TAX1BP1: variants seen among roughly 807,000 people sequenced by gnomAD.
The protein encoded by TAX1BP1 is Tax1 binding protein 1.
In TAX1BP1, 62 loss-of-function variants were observed where a neutral mutation model predicts 97.7. That is an observed-to-expected ratio of 0.63 (90% CI 0.52 to 0.78). TAX1BP1 has a LOEUF of 0.78. TAX1BP1 is among the 30% of genes least tolerant of loss of function. The pLI, the probability that TAX1BP1 is intolerant of heterozygous loss-of-function variation, is 0.00. For missense variants in TAX1BP1, 867 were observed against 916.1 expected, an observed-to-expected ratio of 0.95 and a Z score of 0.69; for synonymous variants, 340 against 304.2, an observed-to-expected ratio of 1.12 and a Z score of -1.23.
At chr7:27,758,660 T>C (rs1788314342) in intron 3 of TAX1BP1, among the ~76,000 whole-genome samples, 1 of 152,148 alleles carries the variant, frequency 6.6e-6, no homozygotes, top group South Asian at 2.1e-4. Flanking sequence ...TGCTACAATA[T>C]GGGTGAACAC....
At chr7:27,803,165 C>T in intron 13 of TAX1BP1, 1 of 1,546,940 alleles carries the variant, frequency 6.5e-7, no homozygotes, top group Non-Finnish European at 8.7e-7. Flanking sequence ...ATTTGGAAAA[C>T]CTCTCCAGGG....
At position 27,785,157 on chromosome 7, in the gene TAX1BP1, T is replaced by A; in HGVS notation, c.613-6T>A. On this transcript the variant is annotated splice_polypyrimidine_tract_variant and splice_region_variant and intron_variant, in intron 5 of 16. Transcript: ENST00000396319. The stretch of plus-strand genomic sequence containing the variant: ...TTTCTCAAAATACCTTGTTGTCACT[T>A]CTCAGGGTCTTACTGAAGTAACACA... 1 of 1,599,170 alleles carries A rather than the reference T, an allele frequency of 6.3e-7. No homozygotes were observed.
At chr7:27,766,419 C>CAAA (rs201297532) in intron 4 of TAX1BP1, among the ~76,000 whole-genome samples, 3 of 76,884 alleles carry the variant, frequency 3.9e-5, no homozygotes, top group African/African-American at 6.1e-5. Flanking sequence ...GACTCCGTAT[C>CAAA]AAAAAAAAAA....
At position 27,817,167 on chromosome 7, in the gene TAX1BP1, T is replaced by C. The variant is rs1472001350; in HGVS notation, c.2085+129T>C. On this transcript the variant is annotated intron_variant, in intron 15 of 16. Transcript: ENST00000396319. The stretch of plus-strand genomic sequence containing the variant: ...GTGTGTGTGGAAGGAGAGTGTGTGC[T>C]TGTGCCTGCACACAATTGCCTACTT... The C allele has an allele frequency of 4.4e-6, 5 of 1,133,254 alleles. No homozygotes were observed. The Admixed American group carries it at 1.5e-4, about 34-fold the overall frequency. 70.2% of individuals were successfully genotyped at this position (1,133,254 alleles called of 1,614,324 possible).
intron 5 of TAX1BP1, among the ~76,000 whole-genome samples, chr7:27,777,614 A>G (rs1789080193): frequency 6.6e-6 from 1 of 151,284 alleles, no homozygotes; most frequent in Non-Finnish European, 1.5e-5. Context: ...CTTGAGGGGG[A>G]CTCCTTGCAG....
chr7:27,816,239 CA>C, intron 13 of TAX1BP1, 109 bp from the exon 14 acceptor site: 1 of 921,358 alleles, frequency 1.1e-6, no homozygotes. Flanking sequence ...ATTCCAACTT[CA>C]TAATAGGAAA....
intron 15 of TAX1BP1, among the ~76,000 whole-genome samples, chr7:27,820,693 A>G (rs1316598941): frequency 6.6e-6 from 1 of 152,212 alleles, no homozygotes. Context: ...CTTGATTCAT[A>G]GCCTGTGCAG....
At chr7:27,777,585 A>C (rs1789079057) in intron 5 of TAX1BP1, among the ~76,000 whole-genome samples, 1 of 152,002 alleles carries the variant, frequency 6.6e-6, no homozygotes, top group South Asian at 2.1e-4. Flanking sequence ...GCATATGCTG[A>C]TCACTAATCA....
At chr7:27,772,581 G>A (rs920298244) in intron 5 of TAX1BP1, 2 of 151,712 alleles carry the variant, frequency 1.3e-5, no homozygotes, top group East Asian at 3.9e-4. Flanking sequence ...TTCTGTAATT[G>A]TTTATTAATA....
chr7:27,825,235 CTTT>C (rs767330487), intron 15 of TAX1BP1, among the ~76,000 whole-genome samples: 3 of 139,714 alleles, frequency 2.1e-5, no homozygotes, highest in African/African-American at 2.6e-5. Flanking sequence ...TTCCCAGTAG[CTTT>C]TTTTTTTTTT....
intron 8 of TAX1BP1, 23 bp from the exon 9 acceptor site, chr7:27,791,983 A>T (rs773399059): frequency 1.9e-6 from 3 of 1,606,042 alleles, no homozygotes; most frequent in African/African-American, 1.3e-5. Context: ...TGAATTACAA[A>T]TATATTTATC....
At chr7:27,817,662 T>C (rs1416145838) in intron 15 of TAX1BP1, among the ~76,000 whole-genome samples, 1 of 152,228 alleles carries the variant, frequency 6.6e-6, no homozygotes, top group African/African-American at 2.4e-5. Context: ...TTTGTAAATT[T>C]TATTTAAGAG....
Position 27,752,796 on chromosome 7 carries a change from G to A in TAX1BP1, c.162+4110G>A, listed in dbSNP as rs76963551. On this transcript the variant is annotated intron_variant, in intron 2 of 16. Transcript: ENST00000396319. ...ACAGATGAGGGAACTGAGGTTCAGA[G>A]AATAAAGTGACTTGTTCAAAGTTAT... is the stretch of plus-strand genomic sequence containing the variant. Among the ~76,000 whole-genome samples the A allele has an allele frequency of 8.3e-3, 1,270 of 152,296 alleles. 16 individuals are homozygous for A. The highest frequency in any genetic ancestry group is 0.029 in the African/African-American group (1,213 of 41,554).
chr7:27,773,340 T>C (rs1351591969), intron 5 of TAX1BP1, among the ~76,000 whole-genome samples: 1 of 152,112 alleles, frequency 6.6e-6, no homozygotes, highest in African/African-American at 2.4e-5. Flanking sequence ...TACAATTCAA[T>C]GGATTTTAAT....
chr7:27,788,221 CAT>C (rs1789563875), intron 8 of TAX1BP1, among the ~76,000 whole-genome samples: 1 of 152,020 alleles, frequency 6.6e-6, no homozygotes, highest in East Asian at 1.9e-4. Context: ...CAAGAAAAGA[CAT>C]AGATGATGTT....
chr7:27,751,653 A>G (rs1252373252), intron 2 of TAX1BP1, among the ~76,000 whole-genome samples: 2 of 152,088 alleles, frequency 1.3e-5, no homozygotes, highest in Admixed American at 6.6e-5. Flanking sequence ...GTGTACTGCA[A>G]ATTGCCCTCT....
At chr7:27,762,735 G>A (rs949776285) in intron 3 of TAX1BP1, among the ~76,000 whole-genome samples, 6 of 152,126 alleles carry the variant, frequency 3.9e-5, no homozygotes, top group African/African-American at 9.7e-5. Context: ...GATTGCATGA[G>A]CCCAGGAATT....
chr7:27,817,187 C>G, intron 15 of TAX1BP1, 149 bp downstream of exon 15: 1 of 962,512 alleles, frequency 1.0e-6, no homozygotes, highest in Non-Finnish European at 1.4e-6. Context: ...ACACAATTGC[C>G]TACTTGATTT....
intron 13 of TAX1BP1, among the ~76,000 whole-genome samples, chr7:27,806,371 C>T (rs1016406034): frequency 6.6e-6 from 1 of 151,486 alleles, no homozygotes; most frequent in African/African-American, 2.4e-5. Context: ...CAGGTGTGAG[C>T]CACCATCAGT....
Sources: allele counts gnomAD v4.1 joint callset (sites outside exome capture counted in the v4.1 genomes callset), GRCh38; gene constraint gnomAD v4.1.1; transcripts MANE v1.5; gene names NCBI Gene and HGNC (gene_info 2026-07-23, HGNC 2026-07-21).